The following RGS9 variants were observed in gnomAD, a reference collection of about 807,000 sequenced individuals.
RGS9 encodes the protein regulator of G protein signaling 9.
In RGS9, 78 loss-of-function variants were observed where a neutral mutation model predicts 102.0. The observed-to-expected ratio is 0.76, with a 90% CI of 0.64 to 0.92. The LOEUF is 0.92. Among genes scored for constraint, RGS9 ranks in the 40% least tolerant of loss-of-function variants. The pLI, the probability that RGS9 is intolerant of heterozygous loss-of-function variation, is 0.00. For missense variants in RGS9, 833 were observed against 866.1 expected, an observed-to-expected ratio of 0.96 and a Z score of 0.48; for synonymous variants, 353 against 318.6, an observed-to-expected ratio of 1.11 and a Z score of -1.15.
intron 13 of RGS9, among the ~76,000 whole-genome samples, chr17:65,197,526 C>T (rs1455288291): frequency 6.6e-6 from 1 of 152,156 alleles, no homozygotes; most frequent in Non-Finnish European, 1.5e-5. Context: ...ATCCTGGATG[C>T]CCCCACTGTC....
intron 1 of RGS9, among the ~76,000 whole-genome samples, chr17:65,145,081 C>A (rs887035817): frequency 6.6e-6 from 1 of 152,082 alleles, no homozygotes; most frequent in East Asian, 1.9e-4. Flanking sequence ...CTCATTTCAC[C>A]GCTTTATTTT....
chr17:65,160,257 T>C lies in RGS9; in HGVS notation c.230T>C (p.Ile77Thr). Residue 77 changes from isoleucine (I) to threonine (T), a missense_variant, in exon 4 of 19, where the codon ATT (isoleucine) becomes ACT (threonine). Ile to Thr is a moderately conservative substitution (Grantham distance 89). Transcript: ENST00000262406. ...GAGGCACAGAACTTGGGCAACTTTA[T>C]TGTCAGGTATGGCTACATTTACCCC... Reference protein sequence around the residue: ...SLEAQNLGNFIVRYGYIYPLQ... With the variant: ...SLEAQNLGNFTVRYGYIYPLQ... The C allele has an allele frequency of 1.2e-6, 2 of 1,614,196 alleles. No homozygotes were observed. Among genetic ancestry groups the C allele is most frequent in the South Asian group, 1.1e-5 (1 of 91,082 alleles).
intron 7 of RGS9, among the ~76,000 whole-genome samples, chr17:65,164,659 C>G (rs1911108101): frequency 6.6e-6 from 1 of 152,006 alleles, no homozygotes; most frequent in African/African-American, 2.4e-5. Context: ...GGCGGAACAG[C>G]TTTATTGCCC....
chr17:65,194,294 TC>T, intron 12 of RGS9, among the ~76,000 whole-genome samples: 1 of 152,342 alleles, frequency 6.6e-6, no homozygotes, highest in Middle Eastern at 3.4e-3. Context: ...GTTTATCCAT[TC>T]ATCTGCTGAT....
intron 8 of RGS9, among the ~76,000 whole-genome samples, chr17:65,170,553 T>C (rs1217693751): frequency 6.6e-6 from 1 of 152,210 alleles, no homozygotes; most frequent in Non-Finnish European, 1.5e-5. Flanking sequence ...TGTGCACTTC[T>C]GCCTCTCATG....
intron 14 of RGS9, 24 bp from the exon 15 acceptor site, chr17:65,204,139 G>A (rs1447339587): frequency 6.2e-7 from 1 of 1,611,984 alleles, no homozygotes; most frequent in East Asian, 2.2e-5. Flanking sequence ...AGTTACTTTT[G>A]CTAACATCTC....
At chr17:65,145,972 G>T (rs913173664) in intron 1 of RGS9, among the ~76,000 whole-genome samples, 5 of 152,102 alleles carry the variant, frequency 3.3e-5, no homozygotes, top group South Asian at 2.1e-4. Flanking sequence ...TTTCTGTGAA[G>T]GGTGACACAC....
At chr17:65,138,776 C>T (rs1910010788) in intron 1 of RGS9, among the ~76,000 whole-genome samples, 1 of 152,134 alleles carries the variant, frequency 6.6e-6, no homozygotes, top group Non-Finnish European at 1.5e-5. Flanking sequence ...CAGGACAGCT[C>T]TGGCTTGGGG....
intron 7 of RGS9, among the ~76,000 whole-genome samples, chr17:65,163,639 T>C (rs1911069878): frequency 6.6e-6 from 1 of 152,122 alleles, no homozygotes; most frequent in Non-Finnish European, 1.5e-5. Context: ...GCCACCTGGC[T>C]GGGGTTTTCA....
intron 17 of RGS9, among the ~76,000 whole-genome samples, chr17:65,217,746 A>G (rs1199925364): frequency 6.6e-6 from 1 of 152,124 alleles, no homozygotes; most frequent in South Asian, 2.1e-4. Flanking sequence ...AATAAAGAAT[A>G]ATTGATAAGA....
intron 6 of RGS9, among the ~76,000 whole-genome samples, chr17:65,161,751 G>A (rs1417997805): frequency 1.3e-5 from 2 of 151,390 alleles, no homozygotes; most frequent in African/African-American, 4.9e-5. Flanking sequence ...ACAACGTCTT[G>A]CTCAATCACC....
intron 7 of RGS9, 44 bp downstream of exon 7, chr17:65,163,133 C>T: frequency 2.3e-6 from 2 of 880,604 alleles, no homozygotes; most frequent in Non-Finnish European, 3.6e-6. Flanking sequence ...TGTCTTTCCT[C>T]CCTCTCTTCC....
rs1911852374 is a variant in RGS9, at chr17:65,180,760, A to G, written c.654+2957A>G. On this transcript the variant is annotated intron_variant, in intron 9 of 18. Coordinates refer to ENST00000262406, the MANE Select transcript of RGS9 (RefSeq NM_003835.4). ...TTATCTTGTCACTCAGGAAATAAGC[A>G]TAGTACTCATAGGTAGTTTTTCTAT... is the stretch of plus-strand genomic sequence containing the variant. 4.6e-5 allele frequency among the ~76,000 whole-genome samples: 7 copies of G among 152,328 alleles called. No homozygotes were observed. The South Asian group carries it at 1.5e-3, about 32-fold the overall frequency.
rs374170896 is a variant in RGS9 at position 65,193,893 on chromosome 17, A to G, written c.860+237A>G. On this transcript the variant is annotated intron_variant, in intron 12 of 18. Transcript: ENST00000262406. ...GGATTTGTCTGTCTGGACATTTCCTATCAATGGCATCACTTGGAATCTGAG... is the reference window on the plus strand; with the variant it reads ...GGATTTGTCTGTCTGGACATTTCCTGTCAATGGCATCACTTGGAATCTGAG... Among the ~76,000 whole-genome samples the G allele has an allele frequency of 1.2e-4, 19 of 152,240 alleles. No homozygotes were observed. The East Asian group carries it at 3.7e-3, about 29-fold the overall frequency.
chr17:65,184,132 A>C (rs1408294116), intron 9 of RGS9, among the ~76,000 whole-genome samples: 4 of 151,944 alleles, frequency 2.6e-5, no homozygotes, highest in South Asian at 4.2e-4. Flanking sequence ...CTGGAAAAAA[A>C]CTCTTATTTC....
At chr17:65,197,340 T>G in intron 13 of RGS9, 99 bp downstream of exon 13, 1 of 821,080 alleles carries the variant, frequency 1.2e-6, no homozygotes, top group Non-Finnish European at 2.0e-6. Context: ...AGCAGATGTT[T>G]TCAGAGCTTT....
intron 8 of RGS9, among the ~76,000 whole-genome samples, chr17:65,172,395 C>G (rs146820809): frequency 0.035 from 5,299 of 151,654 alleles, 325 homozygotes; most frequent in African/African-American, 0.12. Context: ...GTAGAGACGG[C>G]GGTTTCACCA....
chr17:65,142,010 A>G (rs760224400), intron 1 of RGS9, among the ~76,000 whole-genome samples: 5 of 152,220 alleles, frequency 3.3e-5, no homozygotes, highest in Non-Finnish European at 7.3e-5. Context: ...TAATCCCAGT[A>G]CTTTGGGAGG....
At chr17:65,204,688 G>A (rs1448380997) in intron 15 of RGS9, among the ~76,000 whole-genome samples, 1 of 152,144 alleles carries the variant, frequency 6.6e-6, no homozygotes, top group Non-Finnish European at 1.5e-5. Flanking sequence ...CATCCTTACG[G>A]GCCCCACTCT....
Sources: allele counts gnomAD v4.1 joint callset (sites outside exome capture counted in the v4.1 genomes callset), GRCh38; gene constraint gnomAD v4.1.1; transcripts MANE v1.5; gene names NCBI Gene and HGNC (gene_info 2026-07-23, HGNC 2026-07-21).